Variants in TSC22D1 observed in about 807,000 individuals in gnomAD.
TSC22D1 encodes TSC22 domain family member 1.
Under a neutral mutation model 74.2 loss-of-function variants are expected in TSC22D1, and 9 were observed. The observed-to-expected ratio is 0.12, with a 90% CI of 0.07 to 0.21. TSC22D1 has a LOEUF of 0.21. TSC22D1 is among the 10% of genes least tolerant of loss of function. TSC22D1 has a pLI of 1.00. For synonymous variants in TSC22D1, 586 were observed against 492.5 expected, an observed-to-expected ratio of 1.19 and a Z score of -2.51; for missense variants, 1,427 against 1,304.7, an observed-to-expected ratio of 1.09 and a Z score of -1.44.
chr13:44,531,948 TTA>T (rs1481902829), intron 1 of TSC22D1, among the ~76,000 whole-genome samples: 3 of 151,760 alleles, frequency 2.0e-5, no homozygotes, highest in Non-Finnish European at 4.4e-5. Flanking sequence ...CTAATTTTAA[TTA>T]TGTTACTAAA....
intron 1 of TSC22D1, among the ~76,000 whole-genome samples, chr13:44,456,234 G>A (rs962556962): frequency 1.3e-5 from 2 of 152,314 alleles, no homozygotes; most frequent in Admixed American, 6.5e-5. Context: ...AGCTTCCACG[G>A]CGGAGAAGAA....
At chr13:44,497,834 T>C (rs963374695) in intron 1 of TSC22D1, among the ~76,000 whole-genome samples, 1 of 152,222 alleles carries the variant, frequency 6.6e-6, no homozygotes, top group Non-Finnish European at 1.5e-5. Flanking sequence ...CCTTCTGAAG[T>C]TGCTGCCAGA....
intron 1 of TSC22D1, among the ~76,000 whole-genome samples, chr13:44,502,445 T>C (rs1056383972): frequency 1.2e-4 from 18 of 152,330 alleles, no homozygotes; most frequent in African/African-American, 4.1e-4. Context: ...GATTCCTTCA[T>C]TGGAACCACC....
rs1874299028 is a variant in TSC22D1, at chr13:44,434,085, G to A, written c.*541C>T. The A allele has an allele frequency of 1.3e-6, 2 of 1,527,180 alleles. No individual in the cohort carries two copies. The highest frequency in any genetic ancestry group is 1.7e-6 in the Non-Finnish European group (2 of 1,144,950). The allele number at this position is 1,527,180 out of a possible 1,614,324, so 94.6% of individuals were successfully genotyped here. ...GTGTCATCCATTGTTTGAGAAGAAA[G>A]AGGCACAGTACTATTGTTTTTTATG... On this transcript the variant is annotated 3_prime_UTR_variant, in exon 3 of 3. Transcript: ENST00000458659.
chr13:44,434,152 TC>T lies in TSC22D1; in HGVS notation c.*473del. On this transcript the variant is annotated 3_prime_UTR_variant, in exon 3 of 3. Coordinates refer to ENST00000458659, the MANE Select transcript of TSC22D1 (RefSeq NM_183422.4). The stretch of plus-strand genomic sequence containing the variant: ...GTCAAATTTGTACAGTGAACTCTGT[TC>T]CCCCTCATTTTAGTCTTTTTACCCT... 6.7e-7 allele frequency: 1 copy of T among 1,485,396 alleles called. No individual in the cohort carries two copies. The highest frequency in any genetic ancestry group is 8.8e-7 in the Non-Finnish European group (1 of 1,132,252). The allele number at this position is 1,485,396 out of a possible 1,614,324, so 92.0% of individuals were successfully genotyped here.
intron 1 of TSC22D1, among the ~76,000 whole-genome samples, chr13:44,557,554 A>AT (rs1314803886): frequency 6.6e-6 from 1 of 152,234 alleles, no homozygotes; most frequent in African/African-American, 2.4e-5. Flanking sequence ...AAGCATTCAT[A>AT]TAAACTATCA....
chr13:44,525,489 T>A (rs34795669), intron 1 of TSC22D1, among the ~76,000 whole-genome samples: 11,460 of 152,170 alleles, frequency 0.075, 567 homozygotes, highest in Middle Eastern at 0.12. Context: ...CTCAAGAGCC[T>A]GAGGCAGGAG....
intron 1 of TSC22D1, among the ~76,000 whole-genome samples, chr13:44,533,675 C>T (rs1305761638): frequency 3.3e-5 from 5 of 151,690 alleles, no homozygotes; most frequent in African/African-American, 1.2e-4. Flanking sequence ...CCCAGGTACT[C>T]GGGAGGCTGA....
intron 1 of TSC22D1, among the ~76,000 whole-genome samples, chr13:44,445,244 CACACACACAG>C (rs1448932275): frequency 8.9e-5 from 9 of 100,988 alleles, no homozygotes; most frequent in African/African-American, 3.4e-4. Context: ...CACACACACA[CACACACACAG>C]AGCAAATCGA....
chr13:44,469,601 G>A (rs1877483116), intron 1 of TSC22D1, among the ~76,000 whole-genome samples: 1 of 152,168 alleles, frequency 6.6e-6, no homozygotes, highest in Non-Finnish European at 1.5e-5. Flanking sequence ...GGAGGGTGTA[G>A]ACTGTGTTTT....
At chr13:44,436,635 G>A (rs537463953) in intron 1 of TSC22D1, 31 of 1,603,746 alleles carry the variant, frequency 1.9e-5, no homozygotes, top group Non-Finnish European at 2.6e-5. Flanking sequence ...TCATGCAATT[G>A]CAGCCAAAAA....
rs201326345 is a variant in TSC22D1, at chr13:44,558,300, T to A, written c.2912+14863A>T. ...GTCCTTAACTTCACAATATTTTATT[T>A]GTAGTAACATATCAACCAATAATAC... On this transcript the variant is annotated intron_variant, in intron 1 of 2. Coordinates refer to ENST00000458659, the MANE Select transcript of TSC22D1 (RefSeq NM_183422.4). Among the ~76,000 whole-genome samples the A allele has an allele frequency of 2.6e-5, 4 of 152,346 alleles. No homozygotes were observed. The East Asian group carries it at 7.7e-4, about 29-fold the overall frequency.
intron 1 of TSC22D1, among the ~76,000 whole-genome samples, chr13:44,475,144 G>A (rs563062856): frequency 6.3e-4 from 96 of 151,896 alleles, no homozygotes; most frequent in Non-Finnish European, 1.3e-3. Context: ...ATTATGAGAC[G>A]GAAAATGTAT....
chr13:44,483,388 G>A (rs1188265006), intron 1 of TSC22D1, among the ~76,000 whole-genome samples: 1 of 152,198 alleles, frequency 6.6e-6, no homozygotes. Flanking sequence ...TGGGCCGGGT[G>A]CGGTGGCTCA....
chr13:44,487,498 C>CAAAAAAAAAAAAAAAAAAA (rs61034237), intron 1 of TSC22D1, among the ~76,000 whole-genome samples: 2 of 23,454 alleles, frequency 8.5e-5, no homozygotes, highest in South Asian at 3.1e-3. Context: ...GACTCCATCT[C>CAAAAAAAAAAAAAAAAAAA]AAAAAAAAAA....
At chr13:44,563,946 T>C (rs1189883577) in intron 1 of TSC22D1, among the ~76,000 whole-genome samples, 1 of 152,220 alleles carries the variant, frequency 6.6e-6, no homozygotes. Context: ...AACTGCCACA[T>C]GCATACATAT....
chr13:44,575,604 C>A lies in TSC22D1; in HGVS notation c.471G>T (p.Val157=). The part of the protein sequence containing the change: ...EDLSSSEILD[V]SLSRATDLGE... ...CTAAGTCAGTAGCCCTGGAAAGTGA[C>A]ACATCAAGGATCTCCGAAGAAGAGA... is the stretch of plus-strand genomic sequence containing the variant. Residue 157 remains valine (V), a synonymous_variant, in exon 1 of 3, where the codon GTG becomes GTT. Coordinates refer to ENST00000458659, the MANE Select transcript of TSC22D1 (RefSeq NM_183422.4). The A allele has an allele frequency of 6.2e-7, 1 of 1,614,096 alleles. No homozygotes were observed. Among genetic ancestry groups the A allele is most frequent in the Non-Finnish European group, 8.5e-7 (1 of 1,180,032 alleles).
intron 1 of TSC22D1, among the ~76,000 whole-genome samples, chr13:44,480,860 T>C (rs990075464): frequency 2.6e-5 from 4 of 152,212 alleles, no homozygotes; most frequent in African/African-American, 9.6e-5. Flanking sequence ...AGTGAAGCTT[T>C]CATGTGTAAC....
intron 1 of TSC22D1, among the ~76,000 whole-genome samples, chr13:44,545,976 C>CA (rs200824826): frequency 0.028 from 3,655 of 130,424 alleles, 71 homozygotes; most frequent in African/African-American, 0.049. Flanking sequence ...GACTCCGTCT[C>CA]AAAAAAAAAA....
Sources: gnomAD v4.1 joint callset for allele counts (sites outside exome capture counted in the v4.1 genomes callset) on GRCh38, gnomAD v4.1.1 for gene constraint, MANE v1.5 for transcripts, NCBI Gene and HGNC (gene_info 2026-07-23, HGNC 2026-07-21) for gene names.